The following DLGAP2 variants were observed in gnomAD, a reference collection of about 807,000 sequenced individuals.
DLGAP2 encodes the protein DLG associated protein 2.
DLGAP2 carries 26 observed loss-of-function variants against 100.3 expected under a neutral mutation model. The observed-to-expected ratio is 0.26, with a 90% CI of 0.19 to 0.36. The LOEUF (loss-of-function observed/expected upper bound fraction) is 0.36, where lower values mean the gene tolerates loss of function less well. Ranked by LOEUF, DLGAP2 falls within the 10% of genes least tolerant of loss-of-function variation. The pLI, the probability that DLGAP2 is intolerant of heterozygous loss-of-function variation, is 1.00. For missense variants in DLGAP2, 1,858 were observed against 1,453.2 expected (o/e 1.28, Z -4.53); for synonymous variants, 886 against 630.1 (o/e 1.41, Z -6.08).
At chr8:986,955 T>C (rs1800505399) in intron 2 of DLGAP2, among the ~76,000 whole-genome samples, 1 of 152,198 alleles carries the variant, frequency 6.6e-6, no homozygotes, top group Non-Finnish European at 1.5e-5. Context: ...CCACCGCACC[T>C]GGCCCCTTGA....
At chr8:1,488,210 AC>A (rs928086647) in intron 3 of DLGAP2, among the ~76,000 whole-genome samples, 4 of 151,444 alleles carry the variant, frequency 2.6e-5, no homozygotes, top group Admixed American at 6.6e-5. Context: ...ACAGTCCTCC[AC>A]CCCCCTGCAA....
At chr8:783,913 A>T (rs570941569) in intron 1 of DLGAP2, among the ~76,000 whole-genome samples, 40 of 152,332 alleles carry the variant, frequency 2.6e-4, no homozygotes, top group Middle Eastern at 3.4e-3. Flanking sequence ...AAAAGAGGAT[A>T]TCATAGCGTT....
intron 3 of DLGAP2, among the ~76,000 whole-genome samples, chr8:1,413,630 A>G (rs1441784496): frequency 1.3e-5 from 2 of 152,272 alleles, no homozygotes; most frequent in African/African-American, 2.4e-5. Flanking sequence ...TGGAGGAATA[A>G]TATGAAAGGG....
intron 3 of DLGAP2, among the ~76,000 whole-genome samples, chr8:1,303,814 C>T (rs1025007682): frequency 2.6e-5 from 4 of 152,158 alleles, no homozygotes; most frequent in Non-Finnish European, 5.9e-5. Context: ...CTGCGCTGCG[C>T]TGAGGAGAAG....
intron 2 of DLGAP2, among the ~76,000 whole-genome samples, chr8:1,186,914 A>G (rs1797517271): frequency 6.6e-6 from 1 of 152,144 alleles, no homozygotes; most frequent in African/African-American, 2.4e-5. Context: ...TTAAACAGGT[A>G]TTTGGGAAAT....
At position 1,444,681 on chromosome 8, in the gene DLGAP2, G is replaced by C. The variant is rs376783627; in HGVS notation, c.107-56685G>C. Among the ~76,000 whole-genome samples the C allele has an allele frequency of 3.3e-5, 5 of 151,138 alleles. No homozygotes were observed. The East Asian group carries it at 5.8e-4, about 18-fold the overall frequency. ...TTGATGGTCCCATGATTTTGACTCAGTGTCACCATCTGCAGTCCCCTTTCT... is the reference window on the plus strand; with the variant it reads ...TTGATGGTCCCATGATTTTGACTCACTGTCACCATCTGCAGTCCCCTTTCT... On this transcript the variant is annotated intron_variant, in intron 3 of 14. Coordinates refer to ENST00000637795, the MANE Select transcript of DLGAP2 (RefSeq NM_001346810.2).
At chr8:839,242 C>G (rs1397474638) in intron 1 of DLGAP2, among the ~76,000 whole-genome samples, 2 of 152,086 alleles carry the variant, frequency 1.3e-5, no homozygotes, top group African/African-American at 4.8e-5. Context: ...GGCACAAATC[C>G]AAAGGAATTG....
chr8:1,472,212 G>T (rs1452071829), intron 3 of DLGAP2, among the ~76,000 whole-genome samples: 1 of 152,182 alleles, frequency 6.6e-6, no homozygotes, highest in Admixed American at 6.5e-5. Flanking sequence ...CAGGAGGGAT[G>T]CCTGCCGCCA....
At chr8:999,738 C>A (rs992937715) in intron 2 of DLGAP2, among the ~76,000 whole-genome samples, 1 of 152,306 alleles carries the variant, frequency 6.6e-6, no homozygotes, top group East Asian at 1.9e-4. Context: ...CTGGGCCTTC[C>A]GAAGTGCTGG....
chr8:1,339,105 G>A (rs111771580), intron 3 of DLGAP2, among the ~76,000 whole-genome samples: 93 of 149,076 alleles, frequency 6.2e-4, no homozygotes, highest in African/African-American at 1.9e-3. Flanking sequence ...TCAGCGTGGC[G>A]TCAGGACCCG....
intron 4 of DLGAP2, among the ~76,000 whole-genome samples, chr8:1,524,203 A>C (rs1460218523): frequency 2.6e-5 from 4 of 152,048 alleles, no homozygotes; most frequent in Non-Finnish European, 5.9e-5. Flanking sequence ...GGTCAGCCTC[A>C]TGTTCCCAGA....
At chr8:1,135,485 A>G (rs1267475412) in intron 2 of DLGAP2, among the ~76,000 whole-genome samples, 1 of 141,880 alleles carries the variant, frequency 7.0e-6, no homozygotes, top group Non-Finnish European at 1.5e-5. Flanking sequence ...CTTGGATCCT[A>G]GAAGGGTTTT....
intron 6 of DLGAP2, among the ~76,000 whole-genome samples, chr8:1,609,006 C>A (rs1025180795): frequency 6.0e-5 from 9 of 150,670 alleles, no homozygotes; most frequent in African/African-American, 1.9e-4. Flanking sequence ...TCTAGCAAGG[C>A]AGGCCAACAT....
chr8:1,064,133 G>T (rs1803172802), intron 2 of DLGAP2, among the ~76,000 whole-genome samples: 1 of 152,176 alleles, frequency 6.6e-6, no homozygotes, highest in African/African-American at 2.4e-5. Context: ...CAATCCAATG[G>T]CTGGTGGGGC....
At chr8:1,475,612 T>C (rs1798909182) in intron 3 of DLGAP2, among the ~76,000 whole-genome samples, 1 of 152,196 alleles carries the variant, frequency 6.6e-6, no homozygotes, top group South Asian at 2.1e-4. Context: ...ACAAAGTCGT[T>C]GACCCCCATA....
chr8:1,322,837 T>A (rs1800937357), intron 3 of DLGAP2, among the ~76,000 whole-genome samples: 1 of 152,206 alleles, frequency 6.6e-6, no homozygotes, highest in South Asian at 2.1e-4. Context: ...TGGTCCTATA[T>A]TTGTAGGTTT....
intron 3 of DLGAP2, among the ~76,000 whole-genome samples, chr8:1,389,258 C>A (rs375873555): frequency 2.9e-5 from 4 of 139,704 alleles, no homozygotes; most frequent in African/African-American, 1.3e-4. Flanking sequence ...TGGAAGGCGA[C>A]GTGGCTTCCT....
intron 6 of DLGAP2, among the ~76,000 whole-genome samples, chr8:1,583,649 C>G (rs6994917): frequency 0.57 from 86,805 of 151,960 alleles, 25,664 homozygotes; most frequent in African/African-American, 0.74. Context: ...ACGTTTTTGC[C>G]TTTCCTGATG....
chr8:779,000 G>A (rs912743565), intron 1 of DLGAP2, among the ~76,000 whole-genome samples: 7 of 152,248 alleles, frequency 4.6e-5, no homozygotes, highest in Non-Finnish European at 8.8e-5. Flanking sequence ...GAGACTCCGT[G>A]GGGTAGGACC....
Sources: gnomAD v4.1 joint callset for allele counts (sites outside exome capture counted in the v4.1 genomes callset) on GRCh38, gnomAD v4.1.1 for gene constraint, MANE v1.5 for transcripts, NCBI Gene and HGNC (gene_info 2026-07-23, HGNC 2026-07-21) for gene names.